Variants in CLCA1 observed in about 807,000 individuals in gnomAD.
CLCA1 encodes the protein chloride channel accessory 1.
Under a neutral mutation model 85.6 loss-of-function variants are expected in CLCA1, and 59 were observed. The observed-to-expected ratio is 0.69, with a 90% CI of 0.56 to 0.86. The LOEUF (loss-of-function observed/expected upper bound fraction) is 0.86. CLCA1 is among the 40% of genes least tolerant of loss of function. The probability of loss-of-function intolerance (pLI) is 0.00; values close to 1 mark genes in which losing one functional copy is unlikely to be tolerated. For missense variants in CLCA1, 1,022 were observed against 1,101.4 expected (o/e 0.93, Z 1.02); for synonymous variants, 396 against 398.3 (o/e 0.99, Z 0.07).
rs1647983845 is a variant in CLCA1 at position 86,486,621 on chromosome 1, C to A, written c.1050C>A (p.Asp350Glu). ...CCTGGGTTGGGATGGTGACATTTGA[C>A]AGTGCTGCCCATGTACAAAATGAAC... ...LGSWVGMVTF[D>E]SAAHVQNELI... The change falls in exon 7 of 14, where the codon GAC becomes GAA. Residue 350 changes from aspartate to glutamate, a missense_variant. Transcript: ENST00000394711. The A allele has an allele frequency of 6.2e-7, 1 of 1,614,078 alleles. No individual in the cohort carries two copies. The highest frequency in any genetic ancestry group is 1.7e-5 in the Admixed American group (1 of 60,000).
chr1:86,472,944 C>T (rs1647543089), intron 1 of CLCA1, among the ~76,000 whole-genome samples: 1 of 152,180 alleles, frequency 6.6e-6, no homozygotes, highest in Non-Finnish European at 1.5e-5. Flanking sequence ...TATACTAAGT[C>T]TCAGTTTCAC....
chr1:86,484,804 G>A (rs1401612565), intron 5 of CLCA1, among the ~76,000 whole-genome samples: 1 of 151,934 alleles, frequency 6.6e-6, no homozygotes, highest in Non-Finnish European at 1.5e-5. Flanking sequence ...GTGCATAGTG[G>A]TGACATCAAG....
chr1:86,484,565 C>T (rs1361130108), intron 5 of CLCA1, among the ~76,000 whole-genome samples: 1 of 152,174 alleles, frequency 6.6e-6, no homozygotes, highest in Non-Finnish European at 1.5e-5. Flanking sequence ...AGAGGAAAGA[C>T]TCTCAGGCAG....
intron 6 of CLCA1, 100 bp from the exon 7 acceptor site, chr1:86,486,426 C>A: frequency 9.9e-7 from 1 of 1,013,244 alleles, no homozygotes; most frequent in Non-Finnish European, 1.5e-6. Context: ...TGGTCATTTG[C>A]TCTACATTAA....
At position 86,500,247 on chromosome 1, in the gene CLCA1, A is replaced by G. The variant is rs112013004; in HGVS notation, c.*202A>G. On this transcript the variant is annotated 3_prime_UTR_variant, in exon 14 of 14. Transcript: ENST00000394711. ...GTAGGGGGCGATAAAATAAAATGCT[A>G]AACAACTGGGTATACATGCATAAAA... 21 of 492,242 alleles carry G rather than the reference A, an allele frequency of 4.3e-5. No homozygotes were observed. Among genetic ancestry groups the G allele is most frequent in the African/African-American group, 3.2e-4 (17 of 52,370 alleles). 30.5% of individuals were successfully genotyped at this position (492,242 alleles called of 1,614,324 possible). A position where few individuals can be genotyped will look rare whatever the true frequency, so the allele number is the denominator to read the frequency against.
chr1:86,480,485 T>C (rs2101733930), intron 4 of CLCA1, among the ~76,000 whole-genome samples: 1 of 152,212 alleles, frequency 6.6e-6, no homozygotes, highest in Middle Eastern at 3.4e-3. Flanking sequence ...TGGCCTGGCA[T>C]GGTGGCACAT....
At position 86,482,225 on chromosome 1, in the gene CLCA1, G is replaced by T; in HGVS notation, c.578G>T (p.Gly193Val). The change falls in exon 5 of 14, where the codon GGT becomes GTT. Residue 193 changes from glycine to valine, a missense_variant. By Grantham distance (109) the Gly-to-Val change is moderately radical (BLOSUM62 -3). Transcript: ENST00000394711. ...TTCAGATGTTCAGCAGGTATTACTG[G>T]TACAAATGTAGTAAAGAAGTGTCAG... Reference protein sequence around the residue: ...QAVRCSAGITGTNVVKKCQGG... With the variant: ...QAVRCSAGITVTNVVKKCQGG... 3 of 1,613,688 alleles carry T rather than the reference G, an allele frequency of 1.9e-6. No homozygotes were observed. The highest frequency in any genetic ancestry group is 2.5e-6 in the Non-Finnish European group (3 of 1,179,704).
At chr1:86,499,505 T>C in intron 13 of CLCA1, 149 bp from the exon 14 acceptor site, 2 of 578,672 alleles carry the variant, frequency 3.5e-6, no homozygotes, top group Non-Finnish European at 6.0e-6. Flanking sequence ...AACAGGACCA[T>C]CAGTTCATTT....
At chr1:86,497,650 A>C (rs542235071) in intron 12 of CLCA1, among the ~76,000 whole-genome samples, 4 of 152,232 alleles carry the variant, frequency 2.6e-5, no homozygotes, top group Non-Finnish European at 5.9e-5. Flanking sequence ...GAACCCTAAC[A>C]TAAAACATTT....
intron 5 of CLCA1, among the ~76,000 whole-genome samples, chr1:86,484,285 G>A (rs1164180573): frequency 6.6e-6 from 1 of 152,182 alleles, no homozygotes; most frequent in Non-Finnish European, 1.5e-5. Context: ...ATTCTCAGGA[G>A]GAAGAGTAGA....
chr1:86,494,059 A>C (rs1648208231), intron 10 of CLCA1, 128 bp from the exon 11 acceptor site: 16 of 1,039,192 alleles, frequency 1.5e-5, no homozygotes, highest in Non-Finnish European at 2.2e-5. Flanking sequence ...AGTATCAAAC[A>C]TGCACACCTC....
chr1:86,497,240 C>T (rs1229174825), intron 12 of CLCA1, among the ~76,000 whole-genome samples: 15 of 152,218 alleles, frequency 9.9e-5, no homozygotes, highest in Admixed American at 9.8e-4. Context: ...CCATGTTCTT[C>T]CCTCTATCCC....
In CLCA1 at chr1:86,494,174, G is replaced by A; in HGVS notation, c.1681-13G>A. ...AGTTATTCATTGGAAATGTTTACAT[G>A]TGTTTTGGTCAGGTTGGCACTTGGA... On this transcript the variant is annotated splice_polypyrimidine_tract_variant and intron_variant, in intron 10 of 13. Transcript: ENST00000394711. 6.2e-7 allele frequency: 1 copy of A among 1,613,514 alleles called. No individual in the cohort carries two copies. Among genetic ancestry groups the A allele is most frequent in the African/African-American group, 1.3e-5 (1 of 75,038 alleles).
At position 86,476,477 on chromosome 1, in the gene CLCA1, C is replaced by A. The variant is rs748329812; in HGVS notation, c.481C>A (p.Leu161Ile). 3 of 1,603,748 alleles carry A rather than the reference C, an allele frequency of 1.9e-6. No individual in the cohort carries two copies. Among genetic ancestry groups the A allele is most frequent in the Non-Finnish European group, 2.6e-6 (3 of 1,170,916 alleles). ...GGCATTTGTCCATGAGTGGGCTCAT[C>A]TACGATGGGGAGTATTTGACGAGTA... Reference protein sequence around the residue: ...GRAFVHEWAHLRWGVFDEYNN... With the variant: ...GRAFVHEWAHIRWGVFDEYNN... Residue 161 changes from leucine (L) to isoleucine (I), a missense_variant, in exon 4 of 14, where the codon CTA becomes ATA. By Grantham distance (5) the Leu-to-Ile change is conservative. Transcript: ENST00000394711.
At chr1:86,472,995 C>A (rs5744324) in intron 1 of CLCA1, among the ~76,000 whole-genome samples, 3,507 of 152,302 alleles carry the variant, frequency 0.023, 128 homozygotes, top group African/African-American at 0.074. Context: ...AAGTGAAACG[C>A]ATAGCTAATA....
intron 12 of CLCA1, among the ~76,000 whole-genome samples, chr1:86,495,983 A>G (rs757537725): frequency 1.2e-4 from 19 of 152,186 alleles, no homozygotes; most frequent in Non-Finnish European, 2.1e-4. Context: ...GCTGAAAATC[A>G]CTGGATAGAA....
intron 8 of CLCA1, among the ~76,000 whole-genome samples, chr1:86,490,899 T>TAAAAAAAAAAAAA (rs59948810): frequency 1.1e-5 from 1 of 89,710 alleles, no homozygotes; most frequent in African/African-American, 4.0e-5. Context: ...AACCCATCTC[T>TAAAAAAAAAAAAA]AAAAAAAAAA....
chr1:86,499,927 G>C lies in CLCA1; in HGVS notation c.2627G>C (p.Ser876Thr), dbSNP rs752670386. Residue 876 changes from serine to threonine, a missense_variant, in exon 14 of 14, where the codon AGT becomes ACT. Physicochemically the swap from Ser to Thr is moderately conservative, Grantham distance 58. Transcript: ENST00000394711. ...CCACAGACTCCGCCAGAGACACCTA[G>C]TCCTGATGAAACGTCTGCTCCTTGT... ...IPPQTPPETP[S>T]PDETSAPCPN... 1.2e-6 allele frequency: 2 copies of C among 1,613,904 alleles called. No homozygotes were observed. The highest frequency in any genetic ancestry group is 1.7e-6 in the Non-Finnish European group (2 of 1,179,802).
At chr1:86,472,204 T>G (rs1292007405) in intron 1 of CLCA1, among the ~76,000 whole-genome samples, 1 of 152,180 alleles carries the variant, frequency 6.6e-6, no homozygotes, top group East Asian at 1.9e-4. Flanking sequence ...CACCTCCCAC[T>G]TTCTTGAAAC....
Sources: gnomAD v4.1 joint callset for allele counts (sites outside exome capture counted in the v4.1 genomes callset) on GRCh38, gnomAD v4.1.1 for gene constraint, MANE v1.5 for transcripts, NCBI Gene and HGNC (gene_info 2026-07-23, HGNC 2026-07-21) for gene names.